The following RPA1 variants were observed in gnomAD, a reference collection of about 807,000 sequenced individuals.
RPA1 encodes the protein replication protein A1.
In RPA1, 49 loss-of-function variants were observed where a neutral mutation model predicts 83.0. That is an observed-to-expected ratio of 0.59 (90% CI 0.47 to 0.75). The LOEUF is 0.75. Among genes scored for constraint, RPA1 ranks in the 30% least tolerant of loss-of-function variants. The pLI, the probability that RPA1 is intolerant of heterozygous loss-of-function variation, is 0.00. For synonymous variants in RPA1, 279 were observed against 281.8 expected (o/e 0.99, Z 0.10); for missense variants, 693 against 776.1 (o/e 0.89, Z 1.27).
chr17:1,887,521 T>A (rs1022979523), intron 13 of RPA1, among the ~76,000 whole-genome samples: 1 of 149,408 alleles, frequency 6.7e-6, no homozygotes, highest in Non-Finnish European at 1.5e-5. Flanking sequence ...ATCATGCCAC[T>A]GCACTCCAGC....
In RPA1 at chr17:1,879,693, G is replaced by C. The variant is rs1913708853; in HGVS notation, c.1086G>C (p.Gly362=). The C allele has an allele frequency of 6.2e-7, 1 of 1,614,092 alleles. No homozygotes were observed. Among genetic ancestry groups the C allele is most frequent in the African/African-American group, 1.3e-5 (1 of 74,948 alleles). Residue 362 remains glycine, a synonymous_variant, in exon 11 of 17, where the codon GGG becomes GGC. Coordinates refer to ENST00000254719, the MANE Select transcript of RPA1 (RefSeq NM_002945.5). ...AGGTGGTGACTGCTACACTGTGGGG[G>C]GAAGATGTAAGTGCTGGGATGGGGT... is the stretch of plus-strand genomic sequence containing the variant. ...SGKVVTATLW[G]EDADKFDGSR... is the part of the protein sequence containing the mutation.
chr17:1,838,027 C>T (rs1247814840), intron 1 of RPA1, among the ~76,000 whole-genome samples: 2 of 152,126 alleles, frequency 1.3e-5, no homozygotes, highest in South Asian at 2.1e-4. Context: ...TGTGGTGGCT[C>T]ATGCCTGTAA....
Position 1,849,393 on chromosome 17 carries a change from C to T in RPA1, c.273-3708C>T, listed in dbSNP as rs571647720. ...CTGCAAGCTCCGCCTCCCGGGTTCA[C>T]GCCATTCTCCTGCCTCAGCCTCCCC... On this transcript the variant is annotated intron_variant, in intron 4 of 16. Coordinates refer to ENST00000254719, the MANE Select transcript of RPA1 (RefSeq NM_002945.5). 1.2e-4 allele frequency among the ~76,000 whole-genome samples: 17 copies of T among 147,816 alleles called. No individual in the cohort carries two copies. In the South Asian group the frequency reaches 3.0e-3, roughly 26 times the overall value.
chr17:1,874,012 A>AAATAT (rs1555592994), intron 6 of RPA1, among the ~76,000 whole-genome samples: 4 of 93,866 alleles, frequency 4.3e-5, no homozygotes, highest in African/African-American at 2.0e-4. Context: ...AAAAAAAAAA[A>AAATAT]ATATATATAT....
chr17:1,872,446 C>G lies in RPA1; in HGVS notation c.374C>G (p.Pro125Arg). 16 of 1,613,920 alleles carry G rather than the reference C, an allele frequency of 9.9e-6. No homozygotes were observed. The highest frequency in any genetic ancestry group is 1.4e-5 in the Non-Finnish European group (16 of 1,179,970). The change falls in exon 6 of 17, where the codon CCG becomes CGG. Residue 125 changes from proline (P) to arginine (R), a missense_variant. Pro to Arg is a moderately radical substitution (Grantham distance 103). Transcript: ENST00000254719. ...PVPYNEGLGQ[P>R]QVAPPAPAAS... ...TTTTGATCTTCAGGACTCGGGCAGC[C>G]GCAAGTAGCTCCTCCAGCGCCAGCA...
chr17:1,894,570 G>C (rs907038758), intron 15 of RPA1, among the ~76,000 whole-genome samples: 1 of 152,174 alleles, frequency 6.6e-6, no homozygotes, highest in Non-Finnish European at 1.5e-5. Flanking sequence ...GTACAGTTTA[G>C]TGGCGTTAGG....
intron 5 of RPA1, chr17:1,858,469 T>G: frequency 1.7e-6 from 2 of 1,188,002 alleles, no homozygotes; most frequent in East Asian, 2.4e-5. Context: ...TCTCTCTTTT[T>G]CTTTTTTTTT....
At chr17:1,885,474 C>CTT (rs145276251) in intron 13 of RPA1, among the ~76,000 whole-genome samples, 7 of 149,380 alleles carry the variant, frequency 4.7e-5, no homozygotes, top group African/African-American at 1.5e-4. Context: ...ATGAATGTTC[C>CTT]TTTTTTTTTT....
chr17:1,893,264 A>G (rs925956827), intron 15 of RPA1, among the ~76,000 whole-genome samples: 2 of 152,130 alleles, frequency 1.3e-5, no homozygotes, highest in Non-Finnish European at 2.9e-5. Flanking sequence ...GATTTTTATG[A>G]GCTTATTATA....
At chr17:1,857,889 A>AG in intron 5 of RPA1, 1 of 1,529,890 alleles carries the variant, frequency 6.5e-7, no homozygotes. Context: ...AAGGTCTACC[A>AG]GGTACTCTAC....
intron 5 of RPA1, among the ~76,000 whole-genome samples, chr17:1,854,955 A>G (rs1417412412): frequency 2.0e-5 from 3 of 152,180 alleles, no homozygotes; most frequent in Non-Finnish European, 2.9e-5. Flanking sequence ...TCAGGGAGAA[A>G]GCGTTCAGAC....
At chr17:1,837,156 A>C (rs1036820864) in intron 1 of RPA1, among the ~76,000 whole-genome samples, 7 of 152,038 alleles carry the variant, frequency 4.6e-5, no homozygotes, top group African/African-American at 1.4e-4. Context: ...TTTTGTAGCG[A>C]TGGAGTCTTG....
At position 1,895,060 on chromosome 17, in the gene RPA1, A is replaced by G. The variant is rs939960620; in HGVS notation, c.1711A>G (p.Ile571Val). The change falls in exon 16 of 17, where the codon ATA (isoleucine) becomes GTA (valine). Residue 571 changes from isoleucine to valine, a missense_variant. Physicochemically the swap from Ile to Val is conservative, Grantham distance 29. Coordinates refer to ENST00000254719, the MANE Select transcript of RPA1 (RefSeq NM_002945.5). ...CCAGAATGCCAACTTCCGATCTTTC[A>G]TATTCAGAGTCAGGGTCAAAGTGGA... ...VFQNANFRSF[I>V]FRVRVKVETY... 2 of 1,613,596 alleles carry G rather than the reference A, an allele frequency of 1.2e-6. No homozygotes were observed. Among genetic ancestry groups the G allele is most frequent in the African/African-American group, 1.3e-5 (1 of 74,896 alleles).
intron 16 of RPA1, among the ~76,000 whole-genome samples, chr17:1,896,633 G>T (rs145269817): frequency 1.8e-4 from 28 of 152,102 alleles, no homozygotes; most frequent in Non-Finnish European, 3.5e-4. Context: ...GGACAGACTC[G>T]GTCCTCTCCC....
At chr17:1,883,785 G>T in intron 12 of RPA1, 27 bp from the exon 13 acceptor site, 1 of 1,613,524 alleles carries the variant, frequency 6.2e-7, no homozygotes, top group South Asian at 1.1e-5. Context: ...TCAAGCGCTC[G>T]TCATCGTTAT....
At chr17:1,839,441 T>G (rs1911955991) in intron 1 of RPA1, among the ~76,000 whole-genome samples, 1 of 151,938 alleles carries the variant, frequency 6.6e-6, no homozygotes, top group South Asian at 2.1e-4. Context: ...TTCTCCTACC[T>G]CAGCCTCCTG....
intron 5 of RPA1, among the ~76,000 whole-genome samples, chr17:1,867,837 G>A (rs915883230): frequency 2.0e-5 from 3 of 152,166 alleles, no homozygotes; most frequent in African/African-American, 4.8e-5. Context: ...GCAGCACTTT[G>A]GGAGGTCGAG....
intron 5 of RPA1, among the ~76,000 whole-genome samples, chr17:1,859,946 A>G (rs1490259930): frequency 6.6e-5 from 10 of 151,854 alleles, no homozygotes; most frequent in African/African-American, 2.4e-4. Context: ...CTGAGTAGCT[A>G]GGGCTACAGG....
At chr17:1,891,987 CA>C in intron 15 of RPA1, 47 bp downstream of exon 15, 4 of 1,287,468 alleles carry the variant, frequency 3.1e-6, no homozygotes, top group Non-Finnish European at 4.4e-6. Context: ...TAATGGTTCT[CA>C]TTCTATAACA....
Sources: gnomAD v4.1 joint callset for allele counts (sites outside exome capture counted in the v4.1 genomes callset) on GRCh38, gnomAD v4.1.1 for gene constraint, MANE v1.5 for transcripts, NCBI Gene and HGNC (gene_info 2026-07-23, HGNC 2026-07-21) for gene names.